Variants in FN1 observed in about 807,000 individuals in gnomAD.
FN1 encodes fibronectin.
In FN1, 106 loss-of-function variants were observed where a neutral mutation model predicts 297.3. The observed-to-expected ratio is 0.36, with a 90% CI of 0.30 to 0.42. The LOEUF (loss-of-function observed/expected upper bound fraction) is 0.42, where lower values mean the gene tolerates loss of function less well. Ranked by LOEUF, FN1 falls within the 10% of genes least tolerant of loss-of-function variation. FN1 has a pLI of 1.00. For missense variants in FN1, 2,690 were observed against 3,124.9 expected (o/e 0.86, Z 3.32); for synonymous variants, 1,149 against 1,152.6 (o/e 1.00, Z 0.06).
intron 12 of FN1, 21 bp from the exon 13 acceptor site, chr2:215,414,979 T>TTTAA (rs1243359515): frequency 1.3e-6 from 2 of 1,597,220 alleles, no homozygotes; most frequent in South Asian, 2.2e-5. Context: ...AAATGTAGCA[T>TTTAA]TTAATTATCT....
chr2:215,428,286 C>T lies in FN1; in HGVS notation c.738G>A (p.Trp246Ter). 2 of 1,614,152 alleles carry T rather than the reference C, an allele frequency of 1.2e-6. No individual in the cohort carries two copies. Residue 246 changes from tryptophan to a stop codon, truncating the protein, a stop_gained, in exon 6 of 46, where the codon TGG becomes TGA. Coordinates refer to ENST00000354785, the MANE Select transcript of FN1 (RefSeq NM_212482.4). LOFTEE classifies it high-confidence loss of function. ...GGTTTCCTCGATTATCCTTCTTGCT[C>T]CAGGTGTCTCCAATTCTATAGGATG... ...TRTSYRIGDT[W>*]SKKDNRGNLL... is the part of the protein sequence containing the mutation.
At position 215,393,113 on chromosome 2, in the gene FN1, A is replaced by G. The variant is rs780445850; in HGVS notation, c.3887T>C (p.Ile1296Thr). 25 of 1,613,986 alleles carry G rather than the reference A, an allele frequency of 1.5e-5. No individual in the cohort carries two copies. Among genetic ancestry groups the G allele is most frequent in the Non-Finnish European group, 2.0e-5 (24 of 1,180,024 alleles). The change falls in exon 25 of 46, where the codon ATT becomes ACT. Residue 1296 changes from isoleucine (I) to threonine (T), a missense_variant. This residue lies in a region of FN1 where 1,743 missense variants were observed against 1,945.2 expected (regional missense o/e 0.90). Coordinates refer to ENST00000354785, the MANE Select transcript of FN1 (RefSeq NM_212482.4). ...CGCAACTACTGTGATGCGGTACCCA[A>G]TAATGGTGGAAGAGTTTAGCGGGGT... The part of the protein sequence containing the change: ...RWTPLNSSTI[I>T]GYRITVVAAG...
Position 215,422,286 on chromosome 2 carries a change from C to T in FN1, c.1394-43G>A, listed in dbSNP as rs769208766. 3.6e-5 allele frequency: 57 copies of T among 1,575,204 alleles called. 1 individual carries two copies. The South Asian group carries it at 6.1e-4, about 17-fold the overall frequency. ...AGAAATGCACTTGATAAATGATCACCAGGTCTAAACATGTATGTGTGCAAA... is the reference window on the plus strand; with the variant it reads ...AGAAATGCACTTGATAAATGATCACTAGGTCTAAACATGTATGTGTGCAAA... On this transcript the variant is annotated intron_variant, in intron 9 of 45. Coordinates refer to ENST00000354785, the MANE Select transcript of FN1 (RefSeq NM_212482.4).
At position 215,361,002 on chromosome 2, in the gene FN1, A is replaced by G. The variant is rs1183316594; in HGVS notation, c.*553T>C. 1 of 157,272 alleles carries G rather than the reference A, an allele frequency of 6.4e-6. No individual in the cohort carries two copies. Among genetic ancestry groups the G allele is most frequent in the Non-Finnish European group, 1.4e-5 (1 of 70,794 alleles). 9.7% of individuals were successfully genotyped at this position (157,272 alleles called of 1,614,324 possible). ...CTGCATACTAAGTGTTTTCAATACAATTTTTTCCGTATAAAAATACTGGGA... is the reference window on the plus strand; with the variant it reads ...CTGCATACTAAGTGTTTTCAATACAGTTTTTTCCGTATAAAAATACTGGGA... On this transcript the variant is annotated 3_prime_UTR_variant, in exon 46 of 46. Coordinates refer to ENST00000354785, the MANE Select transcript of FN1 (RefSeq NM_212482.4).
intron 26 of FN1, among the ~76,000 whole-genome samples, chr2:215,389,755 A>T (rs1186357247): frequency 6.6e-6 from 1 of 152,058 alleles, no homozygotes; most frequent in Non-Finnish European, 1.5e-5. Context: ...GTGCCACTGC[A>T]CTCCATCCTG....
intron 23 of FN1, among the ~76,000 whole-genome samples, chr2:215,395,549 A>C (rs1473483185): frequency 1.3e-5 from 2 of 151,852 alleles, no homozygotes; most frequent in Non-Finnish European, 1.5e-5. Flanking sequence ...CAAAAAAAAA[A>C]AACAAAACAA....
At chr2:215,370,539 A>G in intron 40 of FN1, 107 bp from the exon 41 acceptor site, 2 of 486,860 alleles carry the variant, frequency 4.1e-6, no homozygotes, top group South Asian at 3.7e-5. Flanking sequence ...GCAAAGGAAG[A>G]CAAAAAACAA....
intron 24 of FN1, among the ~76,000 whole-genome samples, chr2:215,394,189 T>C (rs1341974467): frequency 2.0e-5 from 3 of 152,196 alleles, no homozygotes; most frequent in Non-Finnish European, 4.4e-5. Context: ...ATTTACCATA[T>C]TACTTTGAGC....
rs562106031 is a variant in FN1 at position 215,366,782 on chromosome 2, A to G, written c.7018+1081T>C. On this transcript the variant is annotated intron_variant, in intron 42 of 45. Transcript: ENST00000354785. Reference sequence around the variant, plus strand: ...AAATGAACTTGACATCCCCGCTCCCACAATTGCACCTAAGTGCTCAAACAG... The same window carrying G: ...AAATGAACTTGACATCCCCGCTCCCGCAATTGCACCTAAGTGCTCAAACAG... Among the ~76,000 whole-genome samples, 5 of 152,350 alleles carry G rather than the reference A, an allele frequency of 3.3e-5. No homozygotes were observed. In the South Asian group the frequency reaches 1.0e-3, roughly 32 times the overall value.
intron 13 of FN1, among the ~76,000 whole-genome samples, chr2:215,412,881 G>A (rs1370037959): frequency 7.1e-6 from 1 of 140,266 alleles, no homozygotes; most frequent in Non-Finnish European, 1.5e-5. Flanking sequence ...CATTTTTCAT[G>A]TAAATGTTTA....
chr2:215,386,531 T>C (rs2059014291), intron 28 of FN1, among the ~76,000 whole-genome samples, 158 bp downstream of exon 28: 1 of 151,688 alleles, frequency 6.6e-6, no homozygotes. Context: ...TCTCCACATT[T>C]TCTCACTTCC....
chr2:215,365,675 T>G, intron 42 of FN1, 45 bp from the exon 43 acceptor site: 1 of 1,605,780 alleles, frequency 6.2e-7, no homozygotes, highest in Non-Finnish European at 8.5e-7. Context: ...ATTTGTATAT[T>G]CTGACTCACA....
At chr2:215,400,213 C>T (rs1269467420) in intron 20 of FN1, among the ~76,000 whole-genome samples, 3 of 151,422 alleles carry the variant, frequency 2.0e-5, no homozygotes, top group South Asian at 4.2e-4. Context: ...AAAAGCTTTA[C>T]GCTGAATTAT....
At chr2:215,407,970 AC>A in intron 17 of FN1, 137 bp downstream of exon 17, 3 of 654,162 alleles carry the variant, frequency 4.6e-6, no homozygotes, top group Admixed American at 2.1e-5. Context: ...ACACACACAC[AC>A]ACACACACAA....
rs7594168 is a variant in FN1, at chr2:215,365,358, T to C, written c.7144+147A>G. 0.26 allele frequency: 228,085 copies of C among 887,640 alleles called. 34,370 individuals are homozygous for C. Among genetic ancestry groups the C allele is most frequent in the Non-Finnish European group, 0.32 (173,022 of 541,952 alleles). The allele number at this position is 887,640 out of a possible 1,614,324, so 55.0% of individuals were successfully genotyped here. On this transcript the variant is annotated intron_variant, in intron 43 of 45. Coordinates refer to ENST00000354785, the MANE Select transcript of FN1 (RefSeq NM_212482.4). Reference sequence around the variant, plus strand: ...ACTCATTTTTGAAGCTTGTCTCCACTTTCCCAAATCAAAAGATTAAGAAAC... The same window carrying C: ...ACTCATTTTTGAAGCTTGTCTCCACCTTCCCAAATCAAAAGATTAAGAAAC...
chr2:215,424,426 C>T, intron 7 of FN1, 101 bp from the exon 8 acceptor site: 2 of 939,566 alleles, frequency 2.1e-6, no homozygotes, highest in Non-Finnish European at 3.4e-6. Flanking sequence ...CTTGTGCCCT[C>T]AAAGGAAGAA....
chr2:215,374,100 A>G (rs938219984), intron 38 of FN1, among the ~76,000 whole-genome samples: 6 of 152,182 alleles, frequency 3.9e-5, no homozygotes, highest in African/African-American at 1.4e-4. Context: ...GATTATATAC[A>G]TGAATCTACT....
At chr2:215,418,801 G>A (rs911881221) in intron 12 of FN1, among the ~76,000 whole-genome samples, 9 of 152,142 alleles carry the variant, frequency 5.9e-5, no homozygotes, top group African/African-American at 2.2e-4. Flanking sequence ...TTGATGCAAA[G>A]GGAGCTTAGA....
At position 215,370,444 on chromosome 2, in the gene FN1, G is replaced by A. The variant is rs374528470; in HGVS notation, c.6715-12C>T. The stretch of plus-strand genomic sequence containing the variant: ...CCAGGAACCCTGAACTGCAATTATC[G>A]GTACATCCAAAGCAGAGAGAAAGCA... On this transcript the variant is annotated splice_polypyrimidine_tract_variant and intron_variant, in intron 40 of 45. Coordinates refer to ENST00000354785, the MANE Select transcript of FN1 (RefSeq NM_212482.4). 1.1e-5 allele frequency: 18 copies of A among 1,609,122 alleles called. No individual in the cohort carries two copies. The African/African-American group carries it at 1.5e-4, about 13-fold the overall frequency.
Sources: allele counts gnomAD v4.1 joint callset (sites outside exome capture counted in the v4.1 genomes callset), GRCh38; gene constraint gnomAD v4.1.1; regional missense constraint gnomAD v4.1.1; transcripts MANE v1.5; gene names NCBI Gene and HGNC (gene_info 2026-07-23, HGNC 2026-07-21).